TLN2: variants seen among roughly 807,000 people sequenced by gnomAD.
TLN2 encodes talin-2.
A neutral mutation model predicts 294.7 loss-of-function variants in TLN2; 118 were observed. The ratio of observed to expected loss-of-function variants is 0.40; its 90% CI spans 0.34 to 0.47. The LOEUF (loss-of-function observed/expected upper bound fraction) is 0.47, where lower values mean the gene tolerates loss of function less well. TLN2 is among the 20% of genes least tolerant of loss of function. The pLI is 0.84. For synonymous variants in TLN2, 1,431 were observed against 1,304.5 expected (o/e 1.10, Z -2.09); for missense variants, 3,083 against 3,282.2 (o/e 0.94, Z 1.48).
intron 1 of TLN2, among the ~76,000 whole-genome samples, chr15:62,459,821 TA>T (rs1343004348): frequency 6.8e-4 from 104 of 152,342 alleles, no homozygotes; most frequent in African/African-American, 2.2e-3. Context: ...TCTGAGGTCC[TA>T]AGCTTTGGGG....
chr15:62,673,814 G>C lies in TLN2; in HGVS notation c.789-13G>C, dbSNP rs760821882. The C allele has an allele frequency of 1.2e-6, 2 of 1,606,580 alleles. No homozygotes were observed. Among genetic ancestry groups the C allele is most frequent in the South Asian group, 1.1e-5 (1 of 90,142 alleles). ...TGATAAATGCCTTTCCTTTTTAAAT[G>C]TCTCTCTCTTAGTCTGAAGGAATTC... On this transcript the variant is annotated splice_polypyrimidine_tract_variant and intron_variant, in intron 9 of 58. Transcript: ENST00000636159.
chr15:62,480,992 A>T (rs1417187276), intron 1 of TLN2, among the ~76,000 whole-genome samples: 1 of 152,174 alleles, frequency 6.6e-6, no homozygotes, highest in African/African-American at 2.4e-5. Context: ...GGCACAGAAG[A>T]ATTTTACCTG....
At chr15:62,830,330 CA>C in intron 54 of TLN2, 1 of 152,794 alleles carries the variant, frequency 6.5e-6, no homozygotes, top group South Asian at 2.1e-4. Context: ...GCCCAGCCTG[CA>C]GATTCTTCCC....
At chr15:62,692,304 C>T (rs2057988305) in intron 12 of TLN2, among the ~76,000 whole-genome samples, 1 of 152,206 alleles carries the variant, frequency 6.6e-6, no homozygotes. Flanking sequence ...CAGGGCTTTA[C>T]TGTGGCTGCT....
At chr15:62,708,931 A>G in intron 21 of TLN2, 135 bp downstream of exon 21, 1 of 1,042,272 alleles carries the variant, frequency 9.6e-7, no homozygotes, top group Non-Finnish European at 1.4e-6. Context: ...AGACTTCCCC[A>G]CTGAAGCTCA....
intron 51 of TLN2, among the ~76,000 whole-genome samples, chr15:62,806,970 A>G (rs1268924511): frequency 6.6e-6 from 1 of 151,992 alleles, no homozygotes; most frequent in African/African-American, 2.4e-5. Context: ...GGGGGTGATG[A>G]CGGAATTTGT....
At chr15:62,412,720 G>A (rs1441143802) in intron 1 of TLN2, among the ~76,000 whole-genome samples, 1 of 152,218 alleles carries the variant, frequency 6.6e-6, no homozygotes, top group African/African-American at 2.4e-5. Flanking sequence ...ATCAGATGGA[G>A]TACAGTTTTT....
In TLN2 at chr15:62,686,664, G is replaced by A. The variant is rs2057317617; in HGVS notation, c.981G>A (p.Lys327=). 6.2e-7 allele frequency: 1 copy of A among 1,613,576 alleles called. No homozygotes were observed. Among genetic ancestry groups the A allele is most frequent in the Non-Finnish European group, 8.5e-7 (1 of 1,179,800 alleles). ...LVKEKMKGKN[K]LVPRLLGITK... is the part of the protein sequence containing the mutation. ...AGGAGAAGATGAAAGGCAAGAACAAGCTGGTGCCTCGCCTGCTGGGGATCA... is the reference window on the plus strand; with the variant it reads ...AGGAGAAGATGAAAGGCAAGAACAAACTGGTGCCTCGCCTGCTGGGGATCA... The change falls in exon 12 of 59, where the codon AAG becomes AAA. Residue 327 remains lysine (K), a synonymous_variant. Coordinates refer to ENST00000636159, the MANE Select transcript of TLN2 (RefSeq NM_015059.3).
chr15:62,582,398 T>TA (rs1275580239), intron 1 of TLN2, among the ~76,000 whole-genome samples: 1 of 152,090 alleles, frequency 6.6e-6, no homozygotes. Flanking sequence ...AGGATAAAAA[T>TA]ATGGGAGAAG....
In TLN2 at chr15:62,406,906, A is replaced by G. The variant is rs369573373; in HGVS notation, c.-238+16221A>G. On this transcript the variant is annotated intron_variant, in intron 1 of 58. Coordinates refer to ENST00000636159, the MANE Select transcript of TLN2 (RefSeq NM_015059.3). ...ACTTGATTCTCTCTGTAAAGACCCT[A>G]TCTCCAAATAAGGTCCCATTCTGAG... 4.1e-4 allele frequency among the ~76,000 whole-genome samples: 62 copies of G among 152,264 alleles called. 1 individual carries two copies. Among genetic ancestry groups the G allele is most frequent in the Middle Eastern group, 3.4e-3 (1 of 294 alleles).
chr15:62,630,152 G>A (rs1198247452), intron 3 of TLN2, among the ~76,000 whole-genome samples: 2 of 151,784 alleles, frequency 1.3e-5, no homozygotes, highest in African/African-American at 4.8e-5. Flanking sequence ...CTGGAAATAT[G>A]GCACCAACTA....
intron 1 of TLN2, among the ~76,000 whole-genome samples, chr15:62,424,107 G>T (rs2140276831): frequency 6.6e-6 from 1 of 152,264 alleles, no homozygotes; most frequent in East Asian, 1.9e-4. Context: ...CCATGCCTCG[G>T]TTTTTTTATT....
chr15:62,714,852 T>C (rs749151751), intron 22 of TLN2, among the ~76,000 whole-genome samples: 10 of 152,164 alleles, frequency 6.6e-5, no homozygotes, highest in South Asian at 2.1e-4. Context: ...AAAAAAGACA[T>C]TGCTGAGCAA....
intron 1 of TLN2, among the ~76,000 whole-genome samples, chr15:62,424,061 G>T (rs2034566386): frequency 1.3e-5 from 2 of 152,114 alleles, no homozygotes; most frequent in African/African-American, 4.8e-5. Flanking sequence ...TTCAGACATG[G>T]ACTTGCTGTG....
rs8036170 is a variant in TLN2 at position 62,421,282 on chromosome 15, C to T, written c.-238+30597C>T. On this transcript the variant is annotated intron_variant, in intron 1 of 58. Coordinates refer to ENST00000636159, the MANE Select transcript of TLN2 (RefSeq NM_015059.3). Reference sequence around the variant, plus strand: ...AATTGCTGGCCTCAGGAGATCTGCCCGCTTTGGCCTTCCCAAGTGCTGAGA... The same window carrying T: ...AATTGCTGGCCTCAGGAGATCTGCCTGCTTTGGCCTTCCCAAGTGCTGAGA... 1.5e-3 allele frequency among the ~76,000 whole-genome samples: 225 copies of T among 152,210 alleles called. 1 individual carries two copies. The highest frequency in any genetic ancestry group is 5.2e-3 in the African/African-American group (214 of 41,544).
chr15:62,572,955 A>G (rs1225855389), intron 1 of TLN2, among the ~76,000 whole-genome samples: 1 of 151,554 alleles, frequency 6.6e-6, no homozygotes, highest in East Asian at 2.0e-4. Context: ...CGGCTTCACC[A>G]TGGAGCTGGT....
intron 55 of TLN2, chr15:62,834,790 T>C (rs1490557499): frequency 1.8e-5 from 1 of 54,470 alleles, no homozygotes; most frequent in Non-Finnish European, 5.0e-5. Flanking sequence ...GAATATCCTA[T>C]GTTTAAAAAA....
intron 1 of TLN2, among the ~76,000 whole-genome samples, chr15:62,588,557 G>A (rs1283709033): frequency 1.3e-5 from 2 of 150,548 alleles, no homozygotes; most frequent in Non-Finnish European, 1.5e-5. Context: ...GCTTGGACCC[G>A]GAAGGCGGAG....
At position 62,606,248 on chromosome 15, in the gene TLN2, A is replaced by AT. The variant is rs771750764; in HGVS notation, c.-161-12088dup. 3.6e-3 allele frequency among the ~76,000 whole-genome samples: 495 copies of AT among 136,728 alleles called. 3 individuals are homozygous for AT. Among genetic ancestry groups the AT allele is most frequent in the African/African-American group, 6.5e-3 (237 of 36,258 alleles). 89.7% of individuals were successfully genotyped at this position (136,728 alleles called of 152,430 possible). A position where few individuals can be genotyped will look rare whatever the true frequency, so the allele number is the denominator to read the frequency against. ...AGGCACCCACCACCATGCTTGGCTA[A>AT]TTTTTTTTTTTTTTTGTATTTTTAG... On this transcript the variant is annotated intron_variant, in intron 2 of 58. Transcript: ENST00000636159.
Sources: gnomAD v4.1 joint callset for allele counts (sites outside exome capture counted in the v4.1 genomes callset) on GRCh38, gnomAD v4.1.1 for gene constraint, MANE v1.5 for transcripts, NCBI Gene and HGNC (gene_info 2026-07-23, HGNC 2026-07-21) for gene names.